Variants in LPP observed in about 807,000 individuals in gnomAD.
LPP encodes lipoma-preferred partner.
Under a neutral mutation model 60.4 loss-of-function variants are expected in LPP, and 38 were observed. The observed-to-expected ratio is 0.63, with a 90% CI of 0.49 to 0.83. The LOEUF is 0.83. Ranked by LOEUF, LPP falls within the 40% of genes least tolerant of loss-of-function variation. LPP has a pLI of 0.00. For missense variants in LPP, 902 were observed against 783.6 expected (o/e 1.15, Z -1.80); for synonymous variants, 328 against 290.8 (o/e 1.13, Z -1.30).
At chr3:188,715,307 G>T (rs1315958679) in intron 8 of LPP, among the ~76,000 whole-genome samples, 1 of 148,996 alleles carries the variant, frequency 6.7e-6, no homozygotes, top group Non-Finnish European at 1.5e-5. Flanking sequence ...GAACCCAGGA[G>T]GCGGAGGTTA....
intron 7 of LPP, among the ~76,000 whole-genome samples, chr3:188,700,024 A>G (rs993822592): frequency 6.6e-6 from 1 of 152,234 alleles, no homozygotes; most frequent in African/African-American, 2.4e-5. Flanking sequence ...CTACCTTTTG[A>G]AAAGAAGATA....
chr3:188,210,739 T>G (rs1159810003), intron 1 of LPP, among the ~76,000 whole-genome samples: 1 of 152,220 alleles, frequency 6.6e-6, no homozygotes, highest in Non-Finnish European at 1.5e-5. Context: ...TTTTTAAAGC[T>G]TAAGACCATT....
intron 6 of LPP, among the ~76,000 whole-genome samples, chr3:188,558,958 C>A (rs555944428): frequency 6.6e-6 from 1 of 152,092 alleles, no homozygotes; most frequent in Non-Finnish European, 1.5e-5. Context: ...AAGATCTTGA[C>A]TTTTTTGTAT....
chr3:188,160,362 T>C (rs1446200431), intron 1 of LPP, among the ~76,000 whole-genome samples: 1 of 152,122 alleles, frequency 6.6e-6, no homozygotes, highest in Admixed American at 6.5e-5. Flanking sequence ...GCCTGGCTAA[T>C]TTTTGTATTT....
chr3:188,369,013 T>G (rs1772189592), intron 3 of LPP, among the ~76,000 whole-genome samples: 1 of 152,204 alleles, frequency 6.6e-6, no homozygotes, highest in Non-Finnish European at 1.5e-5. Flanking sequence ...TGAGATGAAC[T>G]AGCTCATCTC....
intron 10 of LPP, among the ~76,000 whole-genome samples, chr3:188,871,777 T>C (rs1052090510): frequency 6.6e-6 from 1 of 152,174 alleles, no homozygotes; most frequent in African/African-American, 2.4e-5. Flanking sequence ...GAGAGATACA[T>C]GGCTTATATT....
intron 7 of LPP, among the ~76,000 whole-genome samples, chr3:188,662,343 A>G (rs1854773785): frequency 6.6e-6 from 1 of 152,242 alleles, no homozygotes; most frequent in Non-Finnish European, 1.5e-5. Flanking sequence ...ACAAACAGTT[A>G]TTAAGATTTG....
At chr3:188,353,155 T>C (rs1258924937) in intron 3 of LPP, among the ~76,000 whole-genome samples, 20 of 152,202 alleles carry the variant, frequency 1.3e-4, no homozygotes, top group Admixed American at 1.2e-3. Context: ...ATGTGAAATG[T>C]GGTCTCCGCC....
chr3:188,604,567 G>A (rs930859353), intron 6 of LPP, among the ~76,000 whole-genome samples: 4 of 152,066 alleles, frequency 2.6e-5, no homozygotes, highest in African/African-American at 9.7e-5. Flanking sequence ...TGAGATGACT[G>A]TAATTAGGCA....
At chr3:188,751,035 T>C (rs1453421868) in intron 8 of LPP, among the ~76,000 whole-genome samples, 1 of 152,136 alleles carries the variant, frequency 6.6e-6, no homozygotes, top group African/African-American at 2.4e-5. Flanking sequence ...CCAAATATTA[T>C]TGAGGGATCA....
chr3:188,384,881 G>C (rs1004388761), intron 3 of LPP, among the ~76,000 whole-genome samples: 1 of 151,338 alleles, frequency 6.6e-6, no homozygotes, highest in African/African-American at 2.4e-5. Flanking sequence ...GAGAGATAGA[G>C]GCATGCCCTA....
chr3:188,538,745 T>C (rs755903482), intron 6 of LPP, among the ~76,000 whole-genome samples: 1 of 152,212 alleles, frequency 6.6e-6, no homozygotes, highest in South Asian at 2.1e-4. Context: ...CATAGCAACA[T>C]GATTCATAAC....
chr3:188,648,459 T>A (rs1255743701), intron 7 of LPP, among the ~76,000 whole-genome samples: 1 of 152,178 alleles, frequency 6.6e-6, no homozygotes, highest in African/African-American at 2.4e-5. Flanking sequence ...CAATGAATAC[T>A]CATCAAGGAG....
intron 8 of LPP, among the ~76,000 whole-genome samples, chr3:188,721,819 C>T (rs931309317): frequency 5.9e-5 from 9 of 152,238 alleles, no homozygotes; most frequent in South Asian, 2.1e-4. Context: ...GAGGCATTGC[C>T]GGCCTGATAC....
intron 1 of LPP, chr3:188,179,768 T>C: frequency 3.1e-6 from 1 of 321,718 alleles, no homozygotes; most frequent in Non-Finnish European, 6.1e-6. Flanking sequence ...CAGCTTCCCC[T>C]CTCCCCCTGA....
At chr3:188,759,621 A>C (rs1429100013) in intron 8 of LPP, 1 of 156,368 alleles carries the variant, frequency 6.4e-6, no homozygotes, top group Non-Finnish European at 1.4e-5. Context: ...AGCTGGCTGC[A>C]GAGGTTTTAC....
chr3:188,443,299 G>A (rs984251330), intron 4 of LPP, among the ~76,000 whole-genome samples: 1 of 152,186 alleles, frequency 6.6e-6, no homozygotes, highest in African/African-American at 2.4e-5. Context: ...AGAAAGGGCG[G>A]AAGCAAGTTC....
intron 9 of LPP, among the ~76,000 whole-genome samples, chr3:188,763,598 A>T (rs1204049956): frequency 6.6e-6 from 1 of 152,088 alleles, no homozygotes; most frequent in Non-Finnish European, 1.5e-5. Flanking sequence ...TAATCATTTT[A>T]CATATTTTGT....
At chr3:188,428,580 C>CTATATA (rs5855196) in intron 4 of LPP, among the ~76,000 whole-genome samples, 1 of 137,420 alleles carries the variant, frequency 7.3e-6, no homozygotes, top group Non-Finnish European at 1.6e-5. Flanking sequence ...GGGATGGGCA[C>CTATATA]TATATATATA....
Sources: allele counts gnomAD v4.1 joint callset (sites outside exome capture counted in the v4.1 genomes callset), GRCh38; gene constraint gnomAD v4.1.1; transcripts MANE v1.5; gene names NCBI Gene and HGNC (gene_info 2026-07-23, HGNC 2026-07-21).